The following KIAA1217 variants were observed in gnomAD, a reference collection of about 807,000 sequenced individuals.
The protein encoded by KIAA1217 is KIAA1217.
KIAA1217 carries 88 observed loss-of-function variants against 163.9 expected under a neutral mutation model. The ratio of observed to expected loss-of-function variants is 0.54; its 90% confidence interval spans 0.45 to 0.64. KIAA1217 has a LOEUF of 0.64. Among genes scored for constraint, KIAA1217 ranks in the 30% least tolerant of loss-of-function variants. KIAA1217 has a pLI of 0.00. For synonymous variants in KIAA1217, 903 were observed against 923.1 expected (o/e 0.98, Z 0.39); for missense variants, 2,372 against 2,475.0 (o/e 0.96, Z 0.88).
chr10:23,922,788 G>T (rs1489896107), intron 1 of KIAA1217, among the ~76,000 whole-genome samples: 1 of 152,102 alleles, frequency 6.6e-6, no homozygotes, highest in Non-Finnish European at 1.5e-5. Context: ...GACAGAAAAT[G>T]TTGCTAAGGA....
chr10:24,133,973 G>A (rs2063747053), intron 2 of KIAA1217, among the ~76,000 whole-genome samples: 1 of 152,164 alleles, frequency 6.6e-6, no homozygotes, highest in Non-Finnish European at 1.5e-5. Flanking sequence ...ACAATGACAG[G>A]CAAAAGCAAC....
intron 2 of KIAA1217, among the ~76,000 whole-genome samples, chr10:24,358,840 C>T (rs2049485865): frequency 6.6e-6 from 1 of 152,172 alleles, no homozygotes; most frequent in Non-Finnish European, 1.5e-5. Context: ...AAAGCCAGCA[C>T]TCCATTGTAT....
intron 1 of KIAA1217, among the ~76,000 whole-genome samples, chr10:23,803,593 C>G (rs187100675): frequency 2.0e-5 from 3 of 152,326 alleles, no homozygotes; most frequent in Admixed American, 6.5e-5. Flanking sequence ...CCAAGGCACT[C>G]CCCAGTGAAC....
chr10:24,376,592 G>C (rs143797329), intron 2 of KIAA1217, among the ~76,000 whole-genome samples: 1 of 152,074 alleles, frequency 6.6e-6, no homozygotes, highest in Non-Finnish European at 1.5e-5. Context: ...GTGAGACCTC[G>C]TCTACTACAA....
At chr10:24,476,074 G>A (rs2064001862) in intron 6 of KIAA1217, among the ~76,000 whole-genome samples, 1 of 152,110 alleles carries the variant, frequency 6.6e-6, no homozygotes, top group Admixed American at 6.6e-5. Flanking sequence ...TTCCACCCCG[G>A]TTCTTGGATG....
chr10:24,452,964 G>A (rs1172609350), intron 5 of KIAA1217, among the ~76,000 whole-genome samples: 1 of 152,124 alleles, frequency 6.6e-6, no homozygotes, highest in Non-Finnish European at 1.5e-5. Context: ...AAAGAAAGAG[G>A]CCTGACTTAT....
chr10:24,074,652 T>C (rs1369734386), intron 2 of KIAA1217, among the ~76,000 whole-genome samples: 1 of 151,986 alleles, frequency 6.6e-6, no homozygotes, highest in Non-Finnish European at 1.5e-5. Flanking sequence ...TCTGTTCTTA[T>C]ATTCTGGAAT....
At chr10:23,734,537 C>A (rs578229966) in intron 1 of KIAA1217, among the ~76,000 whole-genome samples, 2 of 152,042 alleles carry the variant, frequency 1.3e-5, no homozygotes, top group South Asian at 4.2e-4. Context: ...GATCCACCTG[C>A]CTTGGCCTCC....
intron 2 of KIAA1217, among the ~76,000 whole-genome samples, chr10:24,348,387 A>G (rs2048058718): frequency 6.6e-6 from 1 of 152,182 alleles, no homozygotes; most frequent in Non-Finnish European, 1.5e-5. Context: ...ACCAGTAAGT[A>G]TACTTCTAAA....
In KIAA1217 at chr10:24,211,532, GTTGTATTGTATTGTATTGTA is replaced by G. The variant is rs371671093; in HGVS notation, c.70+2312_70+2331del. Among the ~76,000 whole-genome samples, 285 of 79,056 alleles carry G rather than the reference GTTGTATTGTATTGTATTGTA, an allele frequency of 3.6e-3. 4 individuals carry two copies. Among genetic ancestry groups the G allele is most frequent in the African/African-American group, 0.014 (243 of 17,740 alleles). The allele number at this position is 79,056 out of a possible 152,430, so 51.9% of individuals were successfully genotyped here. A position where few individuals can be genotyped will look rare whatever the true frequency, so the allele number is the denominator to read the frequency against. ...CTACTGGGACATGCCACCATGCATG[GTTGTATTGTATTGTATTGTA>G]TTGTATTGTATTGTATTGTATTGTA... On this transcript the variant is annotated intron_variant, in intron 1 of 20. Coordinates refer to ENST00000376454, the MANE Select transcript of KIAA1217 (RefSeq NM_019590.5).
At chr10:23,890,535 T>G (rs1841373213) in intron 1 of KIAA1217, among the ~76,000 whole-genome samples, 1 of 151,896 alleles carries the variant, frequency 6.6e-6, no homozygotes. Context: ...TTGGTAAATT[T>G]TGAAACATTT....
At chr10:24,508,554 A>G (rs1448610929) in intron 9 of KIAA1217, among the ~76,000 whole-genome samples, 1 of 152,218 alleles carries the variant, frequency 6.6e-6, no homozygotes, top group Non-Finnish European at 1.5e-5. Flanking sequence ...AATTGGCTTT[A>G]CTCACAAATG....
At chr10:23,790,326 T>A (rs1395232541) in intron 1 of KIAA1217, among the ~76,000 whole-genome samples, 1 of 116,774 alleles carries the variant, frequency 8.6e-6, no homozygotes, top group Admixed American at 8.7e-5. Flanking sequence ...TATGCACATA[T>A]GCATATATGC....
chr10:24,429,609 T>C (rs909068484), intron 3 of KIAA1217, among the ~76,000 whole-genome samples: 2 of 152,184 alleles, frequency 1.3e-5, no homozygotes, highest in Non-Finnish European at 2.9e-5. Context: ...TCCTAGAGAC[T>C]GATCTTATCC....
At chr10:23,716,096 G>A (rs1239477766) in intron 1 of KIAA1217, among the ~76,000 whole-genome samples, 1 of 152,060 alleles carries the variant, frequency 6.6e-6, no homozygotes, top group Non-Finnish European at 1.5e-5. Flanking sequence ...TCTGACTAAC[G>A]CTGCATGCAA....
chr10:23,739,467 T>C (rs959118137), intron 1 of KIAA1217, among the ~76,000 whole-genome samples: 1 of 152,026 alleles, frequency 6.6e-6, no homozygotes, highest in Admixed American at 6.6e-5. Context: ...AAACCTCTAG[T>C]GGGTGCATGT....
At chr10:24,384,922 G>A (rs538480380) in intron 3 of KIAA1217, among the ~76,000 whole-genome samples, 4 of 152,318 alleles carry the variant, frequency 2.6e-5, no homozygotes, top group Non-Finnish European at 4.4e-5. Flanking sequence ...GGAGGTATGC[G>A]TCTTGTTGAC....
chr10:24,321,995 C>T (rs928170873), intron 2 of KIAA1217, among the ~76,000 whole-genome samples: 1 of 152,136 alleles, frequency 6.6e-6, no homozygotes, highest in South Asian at 2.1e-4. Context: ...GTCACCCAGG[C>T]TGGAGTGCGG....
chr10:24,084,576 A>G (rs1647334376), intron 2 of KIAA1217, among the ~76,000 whole-genome samples: 1 of 152,202 alleles, frequency 6.6e-6, no homozygotes, highest in South Asian at 2.1e-4. Context: ...AGACCTAAAG[A>G]ATACTATTAT....
Sources: gnomAD v4.1 joint callset for allele counts (sites outside exome capture counted in the v4.1 genomes callset) on GRCh38, gnomAD v4.1.1 for gene constraint, MANE v1.5 for transcripts, NCBI Gene and HGNC (gene_info 2026-07-23, HGNC 2026-07-21) for gene names.